Variants in RALY observed in about 807,000 individuals in gnomAD.
RALY encodes RALY heterogeneous nuclear ribonucleoprotein.
RALY carries 15 observed loss-of-function variants against 30.7 expected under a neutral mutation model. The observed-to-expected ratio is 0.49, with a 90% CI of 0.33 to 0.75. The LOEUF (loss-of-function observed/expected upper bound fraction) is 0.75. RALY is among the 30% of genes least tolerant of loss of function. The probability of loss-of-function intolerance (pLI) is 0.02; values close to 1 mark genes in which losing one functional copy is unlikely to be tolerated. For synonymous variants in RALY, 177 were observed against 170.8 expected (o/e 1.04, Z -0.28); for missense variants, 339 against 414.3 (o/e 0.82, Z 1.58).
At chr20:34,011,032 T>TGGGGG (rs11325275) in intron 1 of RALY, among the ~76,000 whole-genome samples, 4 of 78,640 alleles carry the variant, frequency 5.1e-5, no homozygotes, top group Non-Finnish European at 1.5e-4. Context: ...ATAAACTGGG[T>TGGGGG]GGGGGGGGGG....
intron 2 of RALY, chr20:34,049,196 G>T (rs1022393379): frequency 1.9e-5 from 3 of 154,118 alleles, no homozygotes; most frequent in Non-Finnish European, 4.4e-5. Flanking sequence ...AATCTTGCTA[G>T]AGTGGAGAAT....
chr20:34,047,926 CT>C (rs2032940725), intron 2 of RALY, among the ~76,000 whole-genome samples: 1 of 152,154 alleles, frequency 6.6e-6, no homozygotes, highest in Non-Finnish European at 1.5e-5. Context: ...CAGAAATACC[CT>C]GGACCCTTGT....
At chr20:34,019,764 G>A (rs1425607649) in intron 1 of RALY, among the ~76,000 whole-genome samples, 1 of 152,126 alleles carries the variant, frequency 6.6e-6, no homozygotes, top group Admixed American at 6.5e-5. Flanking sequence ...AGCTTTATTC[G>A]GTAGATAGGA....
intron 5 of RALY, among the ~76,000 whole-genome samples, chr20:34,074,560 G>A (rs2033821466): frequency 7.0e-6 from 1 of 143,808 alleles, no homozygotes; most frequent in Non-Finnish European, 1.5e-5. Flanking sequence ...TCCCCACCCC[G>A]CCCCTGTGAG....
At chr20:33,994,602 T>C (rs1483530480) in intron 1 of RALY, among the ~76,000 whole-genome samples, 1 of 152,222 alleles carries the variant, frequency 6.6e-6, no homozygotes, top group Non-Finnish European at 1.5e-5. Context: ...GCGCAGAGCT[T>C]GTCCTGCCTC....
chr20:34,079,662 G>T (rs2033990657), intron 9 of RALY, among the ~76,000 whole-genome samples: 1 of 152,166 alleles, frequency 6.6e-6, no homozygotes, highest in African/African-American at 2.4e-5. Context: ...TGTGCCTGGT[G>T]CTTTCCAAAG....
intron 5 of RALY, among the ~76,000 whole-genome samples, chr20:34,075,154 A>G (rs2033838690): frequency 6.6e-6 from 1 of 152,070 alleles, no homozygotes; most frequent in East Asian, 1.9e-4. Context: ...GAGCTGCCCA[A>G]CCTTGATACT....
intron 1 of RALY, among the ~76,000 whole-genome samples, chr20:33,995,637 C>CTAATGTGGAGTCACATTAGTTCTTTGGA (rs1400692768): frequency 3.9e-5 from 6 of 152,070 alleles, no homozygotes; most frequent in Admixed American, 3.9e-4. Flanking sequence ...GAGTCTGGTA[C>CTAATGTGGAGTCACATTAGTTCTTTGGA]GTCTGTGGTG....
At chr20:34,013,008 TA>T (rs1213794079) in intron 1 of RALY, among the ~76,000 whole-genome samples, 1 of 152,234 alleles carries the variant, frequency 6.6e-6, no homozygotes, top group African/African-American at 2.4e-5. Flanking sequence ...CTCATACAGC[TA>T]GTCTGTTTTC....
rs531226369 is a variant in RALY, at chr20:34,072,418, C to T, written c.256+88C>T. ...TCTCAACCCCCTTCTCTCTTTCTCT[C>T]ACCGCTACCACTGCTCTGAGATTTT... On this transcript the variant is annotated intron_variant, in intron 3 of 9. Coordinates refer to ENST00000246194, the MANE Select transcript of RALY (RefSeq NM_016732.3). 7 of 1,421,206 alleles carry T rather than the reference C, an allele frequency of 4.9e-6. No individual in the cohort carries two copies. The Admixed American group carries it at 6.9e-5, about 14-fold the overall frequency. The allele number at this position is 1,421,206 out of a possible 1,614,324, so 88.0% of individuals were successfully genotyped here. A position where few individuals can be genotyped will look rare whatever the true frequency, so the allele number is the denominator to read the frequency against.
intron 2 of RALY, among the ~76,000 whole-genome samples, chr20:34,066,321 A>G (rs562585909): frequency 1.2e-4 from 18 of 152,224 alleles, no homozygotes; most frequent in Admixed American, 5.9e-4. Flanking sequence ...TCTACTAAAA[A>G]TACAAAAATT....
intron 1 of RALY, among the ~76,000 whole-genome samples, chr20:34,013,744 C>T (rs78267015): frequency 0.046 from 7,048 of 152,288 alleles, 244 homozygotes; most frequent in East Asian, 0.11. Flanking sequence ...AATCCTCTCT[C>T]ATTCATTGGA....
chr20:34,064,080 C>T (rs2033496807), intron 2 of RALY, among the ~76,000 whole-genome samples: 1 of 152,102 alleles, frequency 6.6e-6, no homozygotes, highest in South Asian at 2.1e-4. Context: ...TTTATAATTA[C>T]AATCAGATGG....
chr20:34,051,447 T>A (rs563312674), intron 2 of RALY, among the ~76,000 whole-genome samples: 1 of 152,322 alleles, frequency 6.6e-6, no homozygotes. Context: ...CAATGTCTAC[T>A]CCTTATGGTT....
At chr20:34,047,452 G>A (rs1246927383) in intron 2 of RALY, among the ~76,000 whole-genome samples, 2 of 152,196 alleles carry the variant, frequency 1.3e-5, no homozygotes, top group African/African-American at 4.8e-5. Context: ...AAGGACTGGT[G>A]ATGCGCAGCC....
intron 2 of RALY, among the ~76,000 whole-genome samples, chr20:34,045,698 A>T (rs2032857027): frequency 6.6e-6 from 1 of 152,196 alleles, no homozygotes. Flanking sequence ...CTTCTCCCTC[A>T]TGTAGCTCTC....
At chr20:34,018,984 A>G (rs2031713503) in intron 1 of RALY, among the ~76,000 whole-genome samples, 1 of 152,162 alleles carries the variant, frequency 6.6e-6, no homozygotes, top group South Asian at 2.1e-4. Flanking sequence ...GTTTAGGGCT[A>G]GTATTTAGGA....
chr20:34,028,325 CCATTCTT>C (rs958080279), intron 1 of RALY, among the ~76,000 whole-genome samples: 1 of 151,688 alleles, frequency 6.6e-6, no homozygotes, highest in Non-Finnish European at 1.5e-5. Flanking sequence ...GACTAGGTCT[CCATTCTT>C]CAGAAGTAGT....
intron 2 of RALY, among the ~76,000 whole-genome samples, chr20:34,060,276 G>C (rs2033377984): frequency 6.6e-6 from 1 of 152,168 alleles, no homozygotes; most frequent in Admixed American, 6.5e-5. Context: ...TCCGTAAGTT[G>C]AAAATCCAAA....
Sources: allele counts gnomAD v4.1 joint callset (sites outside exome capture counted in the v4.1 genomes callset), GRCh38; gene constraint gnomAD v4.1.1; transcripts MANE v1.5; gene names NCBI Gene and HGNC (gene_info 2026-07-23, HGNC 2026-07-21).